The following TDP1 variants were observed in gnomAD, a reference collection of about 807,000 sequenced individuals.
TDP1 encodes tyrosyl-DNA phosphodiesterase 1, also known as tyr-DNA phosphodiesterase 1.
A neutral mutation model predicts 81.5 loss-of-function variants in TDP1; 64 were observed. That is an observed-to-expected ratio of 0.79 (90% CI 0.64 to 0.97). The LOEUF (loss-of-function observed/expected upper bound fraction) is 0.97, where lower values mean the gene tolerates loss of function less well. Ranked by LOEUF, TDP1 falls within the 50% of genes least tolerant of loss-of-function variation. TDP1 has a pLI of 0.00. For synonymous variants in TDP1, 256 were observed against 264.3 expected, an observed-to-expected ratio of 0.97 and a Z score of 0.30; for missense variants, 723 against 743.8, an observed-to-expected ratio of 0.97 and a Z score of 0.33.
intron 15 of TDP1, among the ~76,000 whole-genome samples, chr14:90,031,811 A>G (rs953371000): frequency 3.3e-5 from 5 of 151,530 alleles, no homozygotes; most frequent in Non-Finnish European, 7.4e-5. Flanking sequence ...ACCTGACCAA[A>G]CTCTGCTCAT....
chr14:90,000,258 T>C (rs1234921145), intron 14 of TDP1, among the ~76,000 whole-genome samples: 1 of 152,200 alleles, frequency 6.6e-6, no homozygotes, highest in African/African-American at 2.4e-5. Context: ...ATTGTTTCCC[T>C]TTTGAGTAAC....
intron 14 of TDP1, among the ~76,000 whole-genome samples, chr14:90,000,234 C>G (rs1466609739): frequency 6.6e-6 from 1 of 152,222 alleles, no homozygotes; most frequent in Admixed American, 6.5e-5. Context: ...GGACCCAACT[C>G]AGGCCCACCC....
intron 15 of TDP1, among the ~76,000 whole-genome samples, chr14:90,030,499 C>G (rs1043347830): frequency 6.6e-6 from 1 of 152,200 alleles, no homozygotes; most frequent in African/African-American, 2.4e-5. Flanking sequence ...CTGGCATCTG[C>G]CACCTCCTGC....
At chr14:90,011,030 T>C (rs1362506418) in intron 14 of TDP1, among the ~76,000 whole-genome samples, 1 of 152,096 alleles carries the variant, frequency 6.6e-6, no homozygotes, top group African/African-American at 2.4e-5. Context: ...GGGGGTGGGT[T>C]TTCCTGTGCT....
At chr14:90,042,282 C>A (rs2140359788) in intron 16 of TDP1, among the ~76,000 whole-genome samples, 1 of 152,326 alleles carries the variant, frequency 6.6e-6, no homozygotes, top group South Asian at 2.1e-4. Context: ...TTGCTTTCTT[C>A]AGCTTCCTAA....
chr14:89,996,030 C>T (rs1566887810), intron 14 of TDP1, among the ~76,000 whole-genome samples: 1 of 152,126 alleles, frequency 6.6e-6, no homozygotes, highest in Admixed American at 6.5e-5. Context: ...CTGTCAAAGC[C>T]TATTTATCTT....
At chr14:89,984,808 T>A in intron 9 of TDP1, 125 bp downstream of exon 9, 1 of 1,585,508 alleles carries the variant, frequency 6.3e-7, no homozygotes, top group Non-Finnish European at 8.5e-7. Flanking sequence ...CAGGATGTGA[T>A]GAGGGGATGA....
intron 9 of TDP1, 77 bp downstream of exon 9, chr14:89,984,760 G>A: frequency 6.2e-7 from 1 of 1,602,738 alleles, no homozygotes; most frequent in Non-Finnish European, 8.5e-7. Flanking sequence ...TGGCATGCAG[G>A]GGCCTGGAAA....
At chr14:90,041,084 T>C (rs1888306316) in intron 16 of TDP1, among the ~76,000 whole-genome samples, 1 of 152,206 alleles carries the variant, frequency 6.6e-6, no homozygotes, top group African/African-American at 2.4e-5. Flanking sequence ...GAATAGTATG[T>C]CTAATAGCAC....
At chr14:89,978,978 A>G (rs1820848933) in intron 7 of TDP1, among the ~76,000 whole-genome samples, 1 of 150,578 alleles carries the variant, frequency 6.6e-6, no homozygotes, top group Admixed American at 6.6e-5. Flanking sequence ...TTATCTTTTT[A>G]TGATAATTTC....
intron 15 of TDP1, 24 bp from the exon 16 acceptor site, chr14:90,033,082 T>G (rs1340957637): frequency 6.7e-7 from 1 of 1,502,140 alleles, no homozygotes; most frequent in South Asian, 1.1e-5. Context: ...GGTGCAATCA[T>G]AGATTTCCTC....
chr14:90,034,526 G>C (rs1660211820), intron 16 of TDP1, among the ~76,000 whole-genome samples: 1 of 152,216 alleles, frequency 6.6e-6, no homozygotes, highest in South Asian at 2.1e-4. Flanking sequence ...GTGTGTCCCA[G>C]CCTCACAGGC....
At chr14:89,968,428 A>G (rs758716796) in intron 5 of TDP1, among the ~76,000 whole-genome samples, 1 of 152,108 alleles carries the variant, frequency 6.6e-6, no homozygotes, top group Non-Finnish European at 1.5e-5. Flanking sequence ...TTACTCATCT[A>G]TTCCAGGTAG....
At chr14:89,982,298 C>CT (rs1475516497) in intron 8 of TDP1, among the ~76,000 whole-genome samples, 5 of 152,304 alleles carry the variant, frequency 3.3e-5, no homozygotes, top group Admixed American at 6.5e-5. Context: ...TGCTTGGTCT[C>CT]TAAGTCTCAG....
At chr14:90,015,429 C>G (rs563035455) in intron 14 of TDP1, among the ~76,000 whole-genome samples, 3 of 152,208 alleles carry the variant, frequency 2.0e-5, no homozygotes, top group Non-Finnish European at 4.4e-5. Flanking sequence ...CAAGCTGTGG[C>G]AGGGTATTCT....
chr14:89,968,827 G>A (rs1275583192), intron 5 of TDP1, among the ~76,000 whole-genome samples: 1 of 152,170 alleles, frequency 6.6e-6, no homozygotes, highest in Admixed American at 6.5e-5. Flanking sequence ...TATCTGTTAT[G>A]AGTTAAATTA....
At chr14:89,979,670 A>G (rs1437957210) in intron 7 of TDP1, among the ~76,000 whole-genome samples, 1 of 152,170 alleles carries the variant, frequency 6.6e-6, no homozygotes, top group Non-Finnish European at 1.5e-5. Context: ...CCTTAGAGAT[A>G]CAAGTGGAAA....
intron 10 of TDP1, 126 bp from the exon 11 acceptor site, chr14:89,988,779 T>C: frequency 6.5e-7 from 1 of 1,535,334 alleles, no homozygotes; most frequent in Non-Finnish European, 8.8e-7. Flanking sequence ...ATGAAATTGA[T>C]CACTAGTATT....
At chr14:90,031,630 C>T (rs1035997814) in intron 15 of TDP1, among the ~76,000 whole-genome samples, 1 of 152,118 alleles carries the variant, frequency 6.6e-6, no homozygotes, top group African/African-American at 2.4e-5. Context: ...GCACTCCAGA[C>T]TGGGTGACAG....
Sources: allele counts gnomAD v4.1 joint callset (sites outside exome capture counted in the v4.1 genomes callset), GRCh38; gene constraint gnomAD v4.1.1; transcripts MANE v1.5; gene names NCBI Gene and HGNC (gene_info 2026-07-23, HGNC 2026-07-21).